The following ANKRD28 variants were observed in gnomAD, a reference collection of about 807,000 sequenced individuals.
ANKRD28 encodes serine/threonine-protein phosphatase 6 regulatory ankyrin repeat subunit A.
A neutral mutation model predicts 126.5 loss-of-function variants in ANKRD28; 44 were observed. The observed-to-expected ratio is 0.35, with a 90% CI of 0.27 to 0.45. ANKRD28 has a LOEUF of 0.45. Among genes scored for constraint, ANKRD28 ranks in the 20% least tolerant of loss-of-function variants. ANKRD28 has a pLI of 1.00. For missense variants in ANKRD28, 1,110 were observed against 1,316.6 expected (o/e 0.84, Z 2.43); for synonymous variants, 442 against 468.5 (o/e 0.94, Z 0.73).
chr3:15,852,786 T>C (rs1191868821), intron 1 of ANKRD28, among the ~76,000 whole-genome samples: 2 of 147,358 alleles, frequency 1.4e-5, no homozygotes, highest in Non-Finnish European at 3.0e-5. Context: ...TGAGCTGAGA[T>C]TGTGCCACTG....
chr3:15,693,723 T>C (rs2069133705), intron 17 of ANKRD28, among the ~76,000 whole-genome samples: 1 of 152,156 alleles, frequency 6.6e-6, no homozygotes, highest in East Asian at 1.9e-4. Flanking sequence ...TATGCATGTC[T>C]GGGAGAGGTG....
At chr3:15,809,615 G>C (rs957529736) in intron 1 of ANKRD28, among the ~76,000 whole-genome samples, 3 of 152,156 alleles carry the variant, frequency 2.0e-5, no homozygotes, top group Admixed American at 6.5e-5. Flanking sequence ...ATGAAAGAAT[G>C]GGGGAGGATG....
chr3:15,821,269 G>A (rs902310194), intron 1 of ANKRD28, among the ~76,000 whole-genome samples: 3 of 152,158 alleles, frequency 2.0e-5, no homozygotes, highest in Non-Finnish European at 2.9e-5. Flanking sequence ...CAGTAGTTAC[G>A]TTCCTTAAAA....
chr3:15,850,224 T>TATATATATAGAG (rs1418223588), intron 1 of ANKRD28, among the ~76,000 whole-genome samples: 140 of 35,090 alleles, frequency 4.0e-3, no homozygotes, highest in Non-Finnish European at 5.9e-3. Flanking sequence ...TATATATATA[T>TATATATATAGAG]AGAGAGAGAG....
chr3:15,693,219 C>T (rs752793397), intron 17 of ANKRD28, among the ~76,000 whole-genome samples: 3 of 151,926 alleles, frequency 2.0e-5, no homozygotes, highest in African/African-American at 4.8e-5. Flanking sequence ...CTGAACTGTA[C>T]AATTAGAAAT....
chr3:15,702,865 A>G (rs998768597), intron 14 of ANKRD28, among the ~76,000 whole-genome samples: 2 of 151,754 alleles, frequency 1.3e-5, no homozygotes, highest in African/African-American at 4.8e-5. Flanking sequence ...TAAAAAATAC[A>G]ACTAACCTTT....
chr3:15,845,070 C>T lies in ANKRD28; in HGVS notation c.27+14307G>A, dbSNP rs181151405. ...GGCACTTTTAAACAACCAGATCTCACGAGAATGTAGAACAGTACCAAAGGG... is the reference window on the plus strand; with the variant it reads ...GGCACTTTTAAACAACCAGATCTCATGAGAATGTAGAACAGTACCAAAGGG... On this transcript the variant is annotated intron_variant, in intron 1 of 27. Coordinates refer to the ANKRD28 transcript ENST00000399451. This position sits in a 1 kb window ranked among gnomAD's most constrained non-coding sequence, Gnocchi z 4.9. Among the ~76,000 whole-genome samples, 38 of 152,210 alleles carry T rather than the reference C, an allele frequency of 2.5e-4. No homozygotes were observed. The highest frequency in any genetic ancestry group is 4.4e-4 in the Non-Finnish European group (30 of 68,018).
rs546424905 is a variant in ANKRD28 at position 15,853,137 on chromosome 3, A to T, written c.27+6240T>A. On this transcript the variant is annotated intron_variant, in intron 1 of 27. Transcript: ENST00000399451. The surrounding 1 kb of genome is among the most constrained non-coding windows in gnomAD (Gnocchi z 4.2). The stretch of plus-strand genomic sequence containing the variant: ...GTATACAATATCCCAGTAACAGTTT[A>T]AAACATTACTGTTTTAAGTAACTAA... Among the ~76,000 whole-genome samples the T allele has an allele frequency of 1.7e-3, 263 of 152,346 alleles. No homozygotes were observed. Among genetic ancestry groups the T allele is most frequent in the Non-Finnish European group, 3.1e-3 (211 of 68,036 alleles).
intron 1 of ANKRD28, among the ~76,000 whole-genome samples, chr3:15,819,986 A>C (rs1406510365): frequency 2.6e-5 from 4 of 152,260 alleles, no homozygotes; most frequent in Non-Finnish European, 5.9e-5. Context: ...CAAATGACCA[A>C]GATATAATGA....
At chr3:15,768,168 A>G (rs1171775338) in intron 2 of ANKRD28, among the ~76,000 whole-genome samples, 1 of 152,222 alleles carries the variant, frequency 6.6e-6, no homozygotes, top group Non-Finnish European at 1.5e-5. Flanking sequence ...GCCTCTTACC[A>G]TATTAGAATA....
At chr3:15,821,085 T>C (rs749248218) in intron 1 of ANKRD28, among the ~76,000 whole-genome samples, 7 of 152,192 alleles carry the variant, frequency 4.6e-5, no homozygotes, top group Non-Finnish European at 8.8e-5. Flanking sequence ...CTCTGGTCTC[T>C]ACCCACTAGA....
At chr3:15,673,672 A>C (rs2066608339) in intron 27 of ANKRD28, among the ~76,000 whole-genome samples, 1 of 152,202 alleles carries the variant, frequency 6.6e-6, no homozygotes, top group Non-Finnish European at 1.5e-5. Flanking sequence ...TGAGAAGATG[A>C]AACTGGAGCT....
intron 16 of ANKRD28, 40 bp from the exon 17 acceptor site, chr3:15,694,853 C>T (rs375708257): frequency 2.4e-4 from 384 of 1,574,496 alleles, no homozygotes; most frequent in Non-Finnish European, 3.2e-4. Flanking sequence ...GAAAGACATA[C>T]TACAGCAATT....
At chr3:15,835,760 T>C (rs1296294385) in intron 1 of ANKRD28, among the ~76,000 whole-genome samples, 1 of 152,176 alleles carries the variant, frequency 6.6e-6, no homozygotes, top group East Asian at 1.9e-4. Flanking sequence ...ATTGAGAAGA[T>C]GGGAGTAAAC....
intron 1 of ANKRD28, among the ~76,000 whole-genome samples, chr3:15,806,340 C>T (rs2125868484): frequency 6.6e-6 from 1 of 152,274 alleles, no homozygotes; most frequent in East Asian, 1.9e-4. Context: ...GTTAAATCCG[C>T]TATCAGTTAC....
intron 1 of ANKRD28, among the ~76,000 whole-genome samples, chr3:15,831,126 A>C (rs1429545910): frequency 6.6e-6 from 1 of 152,108 alleles, no homozygotes; most frequent in Non-Finnish European, 1.5e-5. Flanking sequence ...GATGTAATAA[A>C]CCATACCATT....
At chr3:15,674,150 C>T (rs1042766412) in intron 27 of ANKRD28, among the ~76,000 whole-genome samples, 4 of 105,124 alleles carry the variant, frequency 3.8e-5, no homozygotes, top group Admixed American at 3.1e-4. Flanking sequence ...CTAGTCTGGG[C>T]AACAGAGTGA....
chr3:15,842,377 C>A (rs2061441084), intron 1 of ANKRD28, among the ~76,000 whole-genome samples: 2 of 149,886 alleles, frequency 1.3e-5, no homozygotes, highest in African/African-American at 4.9e-5. Flanking sequence ...TGGAGACAGA[C>A]AGTAGAAGGA....
Position 15,796,823 on chromosome 3 carries a change from A to T in ANKRD28, c.-302T>A. 1 of 988,306 alleles carries T rather than the reference A, an allele frequency of 1.0e-6. No homozygotes were observed. The highest frequency in any genetic ancestry group is 1.2e-6 in the Non-Finnish European group (1 of 831,576). The allele number at this position is 988,306 out of a possible 1,614,324, so 61.2% of individuals were successfully genotyped here. On this transcript the variant is annotated 5_prime_UTR_variant, in exon 1 of 28. Transcript: ENST00000683139. The stretch of plus-strand genomic sequence containing the variant: ...ACTAAAACTGAGTCCAAGCTCATTT[A>T]AAAATATTTTTCCTCTACCAAAATA...
Sources: gnomAD v4.1 joint callset for allele counts (sites outside exome capture counted in the v4.1 genomes callset) on GRCh38, gnomAD v4.1.1 for gene constraint, Gnocchi (gnomAD v3.1) non-coding constraint, MANE v1.5 for transcripts, NCBI Gene and HGNC (gene_info 2026-07-23, HGNC 2026-07-21) for gene names.